The following SLC9A9 variants were observed in gnomAD, a reference collection of about 807,000 sequenced individuals.
SLC9A9 encodes the protein solute carrier family 9 member A9, also known as sodium/hydrogen exchanger 9.
A neutral mutation model predicts 77.8 loss-of-function variants in SLC9A9; 62 were observed. The observed-to-expected ratio is 0.80, with a 90% CI of 0.65 to 0.98. SLC9A9 has a LOEUF of 0.98. Among genes scored for constraint, SLC9A9 ranks in the 50% least tolerant of loss-of-function variants. The pLI, the probability that SLC9A9 is intolerant of heterozygous loss-of-function variation, is 0.00. For synonymous variants in SLC9A9, 320 were observed against 283.5 expected, an observed-to-expected ratio of 1.13 and a Z score of -1.29; for missense variants, 775 against 774.9, an observed-to-expected ratio of 1.00 and a Z score of 0.00.
intron 2 of SLC9A9, among the ~76,000 whole-genome samples, chr3:143,804,642 A>C (rs1334361259): frequency 6.6e-6 from 1 of 152,096 alleles, no homozygotes; most frequent in African/African-American, 2.4e-5. Flanking sequence ...CATGCTCACT[A>C]GTTTTCCTTA....
intron 15 of SLC9A9, among the ~76,000 whole-genome samples, chr3:143,267,525 G>A (rs1559845356): frequency 6.6e-6 from 1 of 151,924 alleles, no homozygotes; most frequent in Admixed American, 6.6e-5. Context: ...GCTAATTTTT[G>A]TATTTTTAGT....
intron 14 of SLC9A9, among the ~76,000 whole-genome samples, chr3:143,297,241 G>C (rs1314930696): frequency 6.6e-6 from 1 of 152,170 alleles, no homozygotes; most frequent in Non-Finnish European, 1.5e-5. Flanking sequence ...GTGGATATAA[G>C]CTTTCCCAGT....
intron 13 of SLC9A9, among the ~76,000 whole-genome samples, chr3:143,371,120 C>T (rs1277716924): frequency 6.6e-6 from 1 of 152,080 alleles, no homozygotes; most frequent in Non-Finnish European, 1.5e-5. Context: ...CTTGGTTGAA[C>T]ACTGACCTGT....
chr3:143,704,026 A>C (rs1576670429), intron 4 of SLC9A9, among the ~76,000 whole-genome samples: 1 of 152,184 alleles, frequency 6.6e-6, no homozygotes. Flanking sequence ...GAAATCCAAC[A>C]GATTTGGATT....
intron 12 of SLC9A9, among the ~76,000 whole-genome samples, chr3:143,395,562 C>A (rs1335241432): frequency 2.6e-5 from 4 of 152,078 alleles, no homozygotes; most frequent in African/African-American, 9.7e-5. Flanking sequence ...TCTAAAACAC[C>A]AAAAGCAATG....
chr3:143,584,497 C>G (rs1296692370), intron 6 of SLC9A9, among the ~76,000 whole-genome samples: 1 of 152,198 alleles, frequency 6.6e-6, no homozygotes, highest in Non-Finnish European at 1.5e-5. Flanking sequence ...CATATTGTAT[C>G]TCTTGCAGGA....
chr3:143,617,960 G>A lies in SLC9A9; in HGVS notation c.755+34295C>T, dbSNP rs183098437. On this transcript the variant is annotated intron_variant, in intron 6 of 15. Coordinates refer to ENST00000316549, the MANE Select transcript of SLC9A9 (RefSeq NM_173653.4). ...GCAACATAAAGAATGGACTACAGGA[G>A]AGAGAGTCCAGAGGCAATGGGATCA... is the stretch of plus-strand genomic sequence containing the variant. 1.9e-3 allele frequency among the ~76,000 whole-genome samples: 285 copies of A among 152,340 alleles called. 1 individual carries two copies. Among genetic ancestry groups the A allele is most frequent in the African/African-American group, 6.1e-3 (254 of 41,570 alleles).
chr3:143,315,376 C>T (rs1463113807), intron 14 of SLC9A9, among the ~76,000 whole-genome samples: 1 of 152,198 alleles, frequency 6.6e-6, no homozygotes, highest in Non-Finnish European at 1.5e-5. Context: ...CTAACGGCAA[C>T]ATGTTCCATC....
chr3:143,586,834 C>T (rs2037548884), intron 6 of SLC9A9, among the ~76,000 whole-genome samples: 1 of 152,198 alleles, frequency 6.6e-6, no homozygotes, highest in African/African-American at 2.4e-5. Context: ...GTTAGAAGAG[C>T]TGCTTCTTAA....
chr3:143,302,403 G>GA (rs1559859040), intron 14 of SLC9A9, among the ~76,000 whole-genome samples: 1 of 151,790 alleles, frequency 6.6e-6, no homozygotes, highest in Non-Finnish European at 1.5e-5. Flanking sequence ...AAAATAGAAA[G>GA]AAAAAAACAT....
intron 6 of SLC9A9, among the ~76,000 whole-genome samples, chr3:143,584,220 C>T (rs1229474242): frequency 6.6e-6 from 1 of 152,152 alleles, no homozygotes; most frequent in African/African-American, 2.4e-5. Context: ...CACCACCTTC[C>T]CCTGTTATTC....
intron 9 of SLC9A9, chr3:143,503,619 C>T (rs2035961582): frequency 4.4e-6 from 2 of 449,670 alleles, no homozygotes; most frequent in African/African-American, 4.0e-5. Context: ...TCAGGGATGA[C>T]CTTGCCCATG....
At chr3:143,513,869 T>C (rs2036158880) in intron 9 of SLC9A9, among the ~76,000 whole-genome samples, 1 of 152,228 alleles carries the variant, frequency 6.6e-6, no homozygotes. Context: ...AGTTCTAGGG[T>C]ATATGTGCAC....
intron 4 of SLC9A9, among the ~76,000 whole-genome samples, chr3:143,717,516 G>T (rs1447121598): frequency 2.0e-5 from 3 of 152,108 alleles, no homozygotes; most frequent in African/African-American, 4.8e-5. Context: ...AGAAGATCTG[G>T]CAATGTTGGG....
intron 9 of SLC9A9, among the ~76,000 whole-genome samples, chr3:143,508,568 GT>G (rs745509813): frequency 3.9e-5 from 6 of 152,192 alleles, no homozygotes; most frequent in Non-Finnish European, 8.8e-5. Context: ...TTTTCATTAT[GT>G]TAGTGTATAT....
chr3:143,742,098 A>C (rs574548651), intron 4 of SLC9A9, among the ~76,000 whole-genome samples: 2 of 152,040 alleles, frequency 1.3e-5, no homozygotes, highest in Non-Finnish European at 2.9e-5. Context: ...TCAGTGCTGG[A>C]GATATTTTGC....
chr3:143,648,046 T>C (rs2038732993), intron 6 of SLC9A9, among the ~76,000 whole-genome samples: 1 of 152,198 alleles, frequency 6.6e-6, no homozygotes, highest in African/African-American at 2.4e-5. Context: ...ATGAAAGATA[T>C]TGATATAAAT....
intron 4 of SLC9A9, among the ~76,000 whole-genome samples, chr3:143,704,500 G>A (rs1933901683): frequency 6.6e-6 from 1 of 152,010 alleles, no homozygotes; most frequent in Non-Finnish European, 1.5e-5. Flanking sequence ...TGACAAAAAC[G>A]CATTTGATAC....
intron 11 of SLC9A9, among the ~76,000 whole-genome samples, chr3:143,473,722 C>T (rs946779135): frequency 2.0e-5 from 3 of 152,170 alleles, no homozygotes; most frequent in African/African-American, 7.2e-5. Context: ...TTCTCCGACT[C>T]CCAATTTTTT....
Sources: allele counts gnomAD v4.1 joint callset (sites outside exome capture counted in the v4.1 genomes callset), GRCh38; gene constraint gnomAD v4.1.1; transcripts MANE v1.5; gene names NCBI Gene and HGNC (gene_info 2026-07-23, HGNC 2026-07-21).